The following NTS variants were observed in gnomAD, a reference collection of about 807,000 sequenced individuals.
NTS encodes neurotensin.
NTS carries 20 observed loss-of-function variants against 19.5 expected under a neutral mutation model. That is an observed-to-expected ratio of 1.02 (90% confidence interval 0.72 to 1.49). NTS has a LOEUF of 1.49. Among genes scored for constraint, NTS ranks in the 40% most tolerant of loss-of-function variants. NTS has a pLI of 0.00. For synonymous variants in NTS, 71 were observed against 63.3 expected (o/e 1.12, Z -0.58); for missense variants, 215 against 193.1 (o/e 1.11, Z -0.67).
At chr12:85,880,395 C>T (rs1038070891) in intron 3 of NTS, among the ~76,000 whole-genome samples, 1 of 152,028 alleles carries the variant, frequency 6.6e-6, no homozygotes, top group African/African-American at 2.4e-5. Flanking sequence ...TCAAATTAAC[C>T]TCTAAGAGAA....
At chr12:85,880,948 T>A (rs141858632) in intron 3 of NTS, among the ~76,000 whole-genome samples, 17 of 152,038 alleles carry the variant, frequency 1.1e-4, no homozygotes, top group Non-Finnish European at 2.2e-4. Context: ...CGAGACTCCA[T>A]CTCGAGCAAA....
chr12:85,879,045 CATAAA>C (rs1881414204), intron 3 of NTS, among the ~76,000 whole-genome samples: 1 of 126,424 alleles, frequency 7.9e-6, no homozygotes, highest in African/African-American at 2.8e-5. Flanking sequence ...TTTTTATGTA[CATAAA>C]ATATATTTTT....
chr12:85,874,508 A>T, intron 1 of NTS, 32 bp downstream of exon 1: 1 of 1,487,968 alleles, frequency 6.7e-7, no homozygotes, highest in Non-Finnish European at 9.4e-7. Context: ...AACTCCCTGA[A>T]GTGATTTCTT....
intron 2 of NTS, among the ~76,000 whole-genome samples, chr12:85,876,993 A>G (rs532715790): frequency 8.1e-4 from 123 of 152,204 alleles, no homozygotes; most frequent in Non-Finnish European, 1.6e-3. Context: ...TGCCTTTTAC[A>G]TTGGGTATGA....
At chr12:85,881,336 A>G (rs1881498121) in intron 3 of NTS, among the ~76,000 whole-genome samples, 1 of 152,180 alleles carries the variant, frequency 6.6e-6, no homozygotes, top group Non-Finnish European at 1.5e-5. Context: ...TATTTGTTAT[A>G]GTGACCCCTC....
intron 1 of NTS, among the ~76,000 whole-genome samples, 158 bp from the exon 2 acceptor site, chr12:85,876,482 A>ATAAC (rs1350000477): frequency 6.6e-6 from 1 of 151,950 alleles, no homozygotes; most frequent in Non-Finnish European, 1.5e-5. Flanking sequence ...ATGCTAAAGT[A>ATAAC]TAACTATAAT....
At chr12:85,875,093 A>AT (rs1881310142) in intron 1 of NTS, among the ~76,000 whole-genome samples, 1 of 152,122 alleles carries the variant, frequency 6.6e-6, no homozygotes, top group African/African-American at 2.4e-5. Flanking sequence ...ACTGTTTGGC[A>AT]TTTTTTCCAT....
At chr12:85,879,650 A>G (rs1881452031) in intron 3 of NTS, among the ~76,000 whole-genome samples, 1 of 114,330 alleles carries the variant, frequency 8.7e-6, no homozygotes, top group Admixed American at 8.8e-5. Context: ...ATGTATATAA[A>G]ATATATTTTT....
intron 3 of NTS, among the ~76,000 whole-genome samples, chr12:85,878,819 GT>G (rs1014010635): frequency 6.6e-6 from 1 of 151,870 alleles, no homozygotes; most frequent in African/African-American, 2.4e-5. Context: ...TGATCCACAT[GT>G]TTTTATTATG....
At chr12:85,877,200 T>C (rs931808727) in intron 2 of NTS, among the ~76,000 whole-genome samples, 1 of 152,136 alleles carries the variant, frequency 6.6e-6, no homozygotes, top group African/African-American at 2.4e-5. Flanking sequence ...AACAGTGACT[T>C]ATTAAATATT....
intron 1 of NTS, among the ~76,000 whole-genome samples, chr12:85,874,747 A>T (rs924903109): frequency 6.6e-6 from 1 of 152,156 alleles, no homozygotes; most frequent in African/African-American, 2.4e-5. Flanking sequence ...AGGGAAAAAA[A>T]CCCTACAAAA....
intron 3 of NTS, among the ~76,000 whole-genome samples, chr12:85,881,161 G>T (rs1416363635): frequency 6.6e-6 from 1 of 152,070 alleles, no homozygotes; most frequent in African/African-American, 2.4e-5. Flanking sequence ...CATAGTACAA[G>T]TAATTACAGA....
At chr12:85,879,733 A>G (rs28406972) in intron 3 of NTS, among the ~76,000 whole-genome samples, 1 of 103,244 alleles carries the variant, frequency 9.7e-6, no homozygotes, top group African/African-American at 4.1e-5. Context: ...TGTATATTTT[A>G]TGTATATAAA....
At position 85,874,457 on chromosome 12, in the gene NTS, C is replaced by A. The variant is rs1881285775; in HGVS notation, c.54C>A (p.Ser18Arg). The change falls in exon 1 of 4, where the codon AGC (serine) becomes AGA (arginine). Residue 18 changes from serine (S) to arginine (R), a missense_variant. By Grantham distance (110) the Ser-to-Arg change is moderately radical. Transcript: ENST00000256010. The stretch of plus-strand genomic sequence containing the variant: ...TATGCATGCTACTCCTGGCTTTCAG[C>A]TCCTGGAGTCTGTGCTCAGGTAAGC... ...QLVCMLLLAF[S>R]SWSLCSDSEE... The A allele has an allele frequency of 1.9e-6, 3 of 1,612,440 alleles. No homozygotes were observed. The highest frequency in any genetic ancestry group is 2.5e-6 in the Non-Finnish European group (3 of 1,178,532).
intron 1 of NTS, among the ~76,000 whole-genome samples, chr12:85,875,730 C>A (rs189543126): frequency 3.3e-5 from 5 of 152,042 alleles, no homozygotes; most frequent in African/African-American, 1.2e-4. Flanking sequence ...TTTTGGTATA[C>A]ATTGTTCATA....
intron 3 of NTS, among the ~76,000 whole-genome samples, chr12:85,881,047 C>T (rs1050853585): frequency 1.3e-5 from 2 of 152,054 alleles, no homozygotes; most frequent in Non-Finnish European, 2.9e-5. Context: ...TCCAAAAAAA[C>T]CTCAGTAAAC....
intron 1 of NTS, among the ~76,000 whole-genome samples, chr12:85,876,146 CAAGTT>C (rs895059258): frequency 3.9e-5 from 6 of 151,916 alleles, no homozygotes; most frequent in Non-Finnish European, 8.8e-5. Context: ...AAAAACATCT[CAAGTT>C]AAGTAAACCT....
intron 1 of NTS, among the ~76,000 whole-genome samples, chr12:85,876,278 C>CCA (rs1269930197): frequency 6.6e-6 from 1 of 151,612 alleles, no homozygotes; most frequent in African/African-American, 2.4e-5. Context: ...TGCATATTTT[C>CCA]TATATATGTA....
chr12:85,878,726 T>G (rs1400378641), intron 3 of NTS, among the ~76,000 whole-genome samples, 157 bp downstream of exon 3: 3 of 152,174 alleles, frequency 2.0e-5, no homozygotes, highest in Non-Finnish European at 4.4e-5. Flanking sequence ...CTTCAGATCT[T>G]CAAAGTGTCC....
Sources: gnomAD v4.1 joint callset for allele counts (sites outside exome capture counted in the v4.1 genomes callset) on GRCh38, gnomAD v4.1.1 for gene constraint, MANE v1.5 for transcripts, NCBI Gene and HGNC (gene_info 2026-07-23, HGNC 2026-07-21) for gene names.